Variants in FRMD4A observed in about 807,000 individuals in gnomAD.
FRMD4A encodes FERM domain containing 4A, also known as FERM domain-containing protein 4A.
A neutral mutation model predicts 129.1 loss-of-function variants in FRMD4A; 29 were observed. The ratio of observed to expected loss-of-function variants is 0.22; its 90% CI spans 0.17 to 0.31. The LOEUF (loss-of-function observed/expected upper bound fraction) is 0.31, where lower values mean the gene tolerates loss of function less well. Among genes scored for constraint, FRMD4A ranks in the 10% least tolerant of loss-of-function variants. The pLI, the probability that FRMD4A is intolerant of heterozygous loss-of-function variation, is 1.00. For missense variants in FRMD4A, 1,272 were observed against 1,375.8 expected, an observed-to-expected ratio of 0.92 and a Z score of 1.19; for synonymous variants, 634 against 571.6, an observed-to-expected ratio of 1.11 and a Z score of -1.56.
chr10:14,321,271 A>C lies in FRMD4A; in HGVS notation c.45+8787T>G, dbSNP rs559274387. ...ATGAGGCACTCACAATCTATTAAGAAAAACAGATACAAAAGTCAAATATCA... is the reference window on the plus strand; with the variant it reads ...ATGAGGCACTCACAATCTATTAAGACAAACAGATACAAAAGTCAAATATCA... On this transcript the variant is annotated intron_variant, in intron 2 of 24. Transcript: ENST00000357447. Among the ~76,000 whole-genome samples, 76 of 152,018 alleles carry C rather than the reference A, an allele frequency of 5.0e-4. 1 individual carries two copies. The highest frequency in any genetic ancestry group is 1.7e-3 in the African/African-American group (70 of 41,506).
At chr10:13,707,957 G>A in intron 12 of FRMD4A, 3 of 910,152 alleles carry the variant, frequency 3.3e-6, no homozygotes, top group Non-Finnish European at 3.9e-6. Flanking sequence ...CAGGAACGGG[G>A]TTCCTTTCAT....
intron 2 of FRMD4A, among the ~76,000 whole-genome samples, chr10:14,209,080 AT>A (rs1291036234): frequency 3.9e-5 from 6 of 151,902 alleles, no homozygotes; most frequent in Non-Finnish European, 7.4e-5. Context: ...GGGTTGAAGG[AT>A]TCCTCCCGGA....
intron 5 of FRMD4A, among the ~76,000 whole-genome samples, chr10:13,791,481 G>C (rs2092999745): frequency 6.6e-6 from 1 of 152,112 alleles, no homozygotes; most frequent in African/African-American, 2.4e-5. Flanking sequence ...GAGAGAGAAA[G>C]TGTGAGCAGC....
At chr10:13,679,474 T>TATACAC (rs1308155926) in intron 15 of FRMD4A, among the ~76,000 whole-genome samples, 23 of 31,490 alleles carry the variant, frequency 7.3e-4, no homozygotes, top group African/African-American at 3.1e-3. Flanking sequence ...TATATATATA[T>TATACAC]ACACACACAC....
intron 9 of FRMD4A, 87 bp downstream of exon 9, chr10:13,747,649 T>A: frequency 2.8e-6 from 2 of 714,806 alleles, no homozygotes; most frequent in Non-Finnish European, 5.1e-6. Context: ...ACGTGGGAGC[T>A]GGTGGAGGGA....
intron 1 of FRMD4A, among the ~76,000 whole-genome samples, 175 bp downstream of exon 1, chr10:14,330,422 G>T (rs376971761): frequency 6.6e-6 from 1 of 152,140 alleles, no homozygotes; most frequent in Non-Finnish European, 1.5e-5. Context: ...AAACGTGAAA[G>T]CTTAGAACAC....
At chr10:13,651,877 T>G in intron 24 of FRMD4A, 26 bp downstream of exon 24, 12 of 1,199,918 alleles carry the variant, frequency 1.0e-5, no homozygotes, top group Non-Finnish European at 1.5e-5. Flanking sequence ...TCATGGGCAG[T>G]AGGAACAAAA....
At chr10:14,246,337 T>C (rs1387366278) in intron 2 of FRMD4A, among the ~76,000 whole-genome samples, 1 of 152,010 alleles carries the variant, frequency 6.6e-6, no homozygotes, top group Non-Finnish European at 1.5e-5. Flanking sequence ...TATGAGCACC[T>C]ACACAGATCC....
chr10:13,965,006 G>C (rs1222480296), intron 2 of FRMD4A, among the ~76,000 whole-genome samples: 1 of 151,010 alleles, frequency 6.6e-6, no homozygotes, highest in African/African-American at 2.4e-5. Context: ...TTCCTATGTT[G>C]ATTTCCCCTC....
intron 2 of FRMD4A, among the ~76,000 whole-genome samples, chr10:14,275,551 G>A (rs986308018): frequency 1.3e-5 from 2 of 152,196 alleles, no homozygotes; most frequent in Non-Finnish European, 2.9e-5. Flanking sequence ...AAACATCCAA[G>A]GGCAGATAAT....
intron 2 of FRMD4A, among the ~76,000 whole-genome samples, chr10:13,910,011 C>T (rs2094925162): frequency 6.6e-6 from 1 of 152,218 alleles, no homozygotes; most frequent in Admixed American, 6.5e-5. Context: ...CATTCTTGGA[C>T]AGCCATGAAA....
intron 2 of FRMD4A, among the ~76,000 whole-genome samples, chr10:14,185,670 GAGC>G (rs1842103240): frequency 6.6e-6 from 1 of 152,108 alleles, no homozygotes; most frequent in African/African-American, 2.4e-5. Context: ...CTGTGCAGAT[GAGC>G]AGAAGAGAGG....
intron 2 of FRMD4A, among the ~76,000 whole-genome samples, chr10:14,283,031 C>T (rs1037384315): frequency 6.6e-6 from 1 of 152,166 alleles, no homozygotes; most frequent in African/African-American, 2.4e-5. Flanking sequence ...AATAACATTG[C>T]CACTGGACAT....
rs568689694 is a variant in FRMD4A at position 14,078,204 on chromosome 10, G to T, written c.46-219292C>A. 1.5e-3 allele frequency among the ~76,000 whole-genome samples: 224 copies of T among 152,302 alleles called. 1 individual carries two copies. The highest frequency in any genetic ancestry group is 2.2e-3 in the Non-Finnish European group (148 of 68,024). On this transcript the variant is annotated intron_variant, in intron 2 of 24. Coordinates refer to ENST00000357447, the MANE Select transcript of FRMD4A (RefSeq NM_018027.5). ...TCTACTGTCTGCTTAGCTGGAACATGAATGAACCCAGCCATGATTGCAACA... is the reference window on the plus strand; with the variant it reads ...TCTACTGTCTGCTTAGCTGGAACATTAATGAACCCAGCCATGATTGCAACA...
chr10:14,199,278 CTTATTTTATTTATTTATTTATTTAT>C (rs1842561011), intron 2 of FRMD4A, among the ~76,000 whole-genome samples: 1 of 139,512 alleles, frequency 7.2e-6, no homozygotes, highest in African/African-American at 2.6e-5. Context: ...TTTTAAGTGT[CTTATTTTATTTATTTATTTATTTAT>C]TTATTTATTT....
At chr10:13,948,693 C>A (rs892727067) in intron 2 of FRMD4A, among the ~76,000 whole-genome samples, 2 of 147,612 alleles carry the variant, frequency 1.4e-5, no homozygotes, top group African/African-American at 5.1e-5. Flanking sequence ...ACTCTGTCAC[C>A]CAGGCTGGAG....
intron 8 of FRMD4A, among the ~76,000 whole-genome samples, chr10:13,751,996 A>C (rs1339650232): frequency 2.0e-5 from 3 of 152,250 alleles, no homozygotes; most frequent in African/African-American, 7.2e-5. Flanking sequence ...AGCCTGGGCA[A>C]CAGAGGGAGA....
chr10:13,977,327 CTG>C (rs1436138365), intron 2 of FRMD4A, among the ~76,000 whole-genome samples: 2 of 152,144 alleles, frequency 1.3e-5, no homozygotes, highest in East Asian at 3.8e-4. Context: ...AAGACTCAAA[CTG>C]AGGTTTAAAT....
At chr10:13,738,007 C>T (rs902024770) in intron 11 of FRMD4A, 77 bp from the exon 12 acceptor site, 2 of 823,470 alleles carry the variant, frequency 2.4e-6, no homozygotes, top group Admixed American at 3.6e-5. Context: ...TTTCCTGGCT[C>T]AGGGGCAGAC....
Sources: allele counts gnomAD v4.1 joint callset (sites outside exome capture counted in the v4.1 genomes callset), GRCh38; gene constraint gnomAD v4.1.1; transcripts MANE v1.5; gene names NCBI Gene and HGNC (gene_info 2026-07-23, HGNC 2026-07-21).